Variants in HSPBAP1 observed in about 807,000 individuals in gnomAD.
HSPBAP1 encodes the protein HSPB1 associated protein 1.
In HSPBAP1, 27 loss-of-function variants were observed where a neutral mutation model predicts 45.2. The observed-to-expected ratio is 0.60, with a 90% CI of 0.44 to 0.82. The LOEUF (loss-of-function observed/expected upper bound fraction) is 0.82. Among genes scored for constraint, HSPBAP1 ranks in the 40% least tolerant of loss-of-function variants. The pLI, the probability that HSPBAP1 is intolerant of heterozygous loss-of-function variation, is 0.00. For missense variants in HSPBAP1, 510 were observed against 590.9 expected (o/e 0.86, Z 1.42); for synonymous variants, 204 against 202.7 (o/e 1.01, Z -0.06).
chr3:122,758,896 CAAAAAA>C (rs11369405), intron 4 of HSPBAP1: 78 of 199,082 alleles, frequency 3.9e-4, no homozygotes, highest in East Asian at 7.9e-4. Flanking sequence ...TCTAATTTAC[CAAAAAA>C]AAAAAAAAAA....
At chr3:122,757,983 C>CTATG (rs1934417629) in intron 4 of HSPBAP1, among the ~76,000 whole-genome samples, 1 of 152,220 alleles carries the variant, frequency 6.6e-6, no homozygotes, top group Non-Finnish European at 1.5e-5. Context: ...CTGACACATT[C>CTATG]TATGCCCTTT....
chr3:122,756,147 C>A (rs1934348356), intron 4 of HSPBAP1, among the ~76,000 whole-genome samples: 1 of 151,984 alleles, frequency 6.6e-6, no homozygotes, highest in African/African-American at 2.4e-5. Context: ...AAAAATGAGA[C>A]CCAGACATCT....
At position 122,745,466 on chromosome 3, in the gene HSPBAP1, AT is replaced by A. The variant is rs1457666327; in HGVS notation, c.826-4354del. ...CCACAGTTTCAGTTACCCGTGGGCAATCTCAGTCAGAAAATATTAAGTGAAA... is the reference window on the plus strand; with the variant it reads ...CCACAGTTTCAGTTACCCGTGGGCAACTCAGTCAGAAAATATTAAGTGAAA... On this transcript the variant is annotated intron_variant, in intron 6 of 7. Coordinates refer to ENST00000306103, the MANE Select transcript of HSPBAP1 (RefSeq NM_024610.6). Among the ~76,000 whole-genome samples the A allele has an allele frequency of 2.6e-5, 4 of 152,214 alleles. No individual in the cohort carries two copies. In the East Asian group the frequency reaches 7.7e-4, roughly 29 times the overall value.
At chr3:122,779,688 G>C (rs1415589574) in intron 1 of HSPBAP1, among the ~76,000 whole-genome samples, 2 of 149,052 alleles carry the variant, frequency 1.3e-5, no homozygotes, top group African/African-American at 4.9e-5. Context: ...GATTACTTGA[G>C]ATTAGGGATT....
At chr3:122,776,612 G>A (rs566647815) in intron 2 of HSPBAP1, among the ~76,000 whole-genome samples, 1 of 152,290 alleles carries the variant, frequency 6.6e-6, no homozygotes, top group South Asian at 2.1e-4. Context: ...GTGCCTAACA[G>A]ACACTTCAGT....
chr3:122,753,935 T>C, intron 5 of HSPBAP1: 1 of 976,184 alleles, frequency 1.0e-6, no homozygotes, highest in Non-Finnish European at 1.2e-6. Flanking sequence ...TGGCAACCAC[T>C]TCACACTCTC....
intron 4 of HSPBAP1, chr3:122,758,838 G>A (rs1450270605): frequency 4.5e-6 from 2 of 448,338 alleles, no homozygotes; most frequent in Non-Finnish European, 4.4e-6. Context: ...CTATGATCAT[G>A]CCATTGCACT....
intron 1 of HSPBAP1, among the ~76,000 whole-genome samples, chr3:122,778,776 T>C (rs1935287229): frequency 6.6e-6 from 1 of 152,128 alleles, no homozygotes; most frequent in Admixed American, 6.5e-5. Context: ...GTGATCCACC[T>C]GCCTTGGCCT....
chr3:122,767,127 T>C (rs1934810406), intron 3 of HSPBAP1, among the ~76,000 whole-genome samples: 1 of 152,218 alleles, frequency 6.6e-6, no homozygotes, highest in South Asian at 2.1e-4. Flanking sequence ...AATTATCATT[T>C]AAAAATGAGT....
At position 122,740,689 on chromosome 3, in the gene HSPBAP1, A is replaced by C; in HGVS notation, c.1123T>G (p.Leu375Val). 4.3e-6 allele frequency: 7 copies of C among 1,614,052 alleles called. No individual in the cohort carries two copies. The highest frequency in any genetic ancestry group is 2.5e-6 in the Non-Finnish European group (3 of 1,180,036). The change falls in exon 8 of 8, where the codon TTG (leucine) becomes GTG (valine). Residue 375 changes from leucine to valine, a missense_variant. Leu to Val is a conservative substitution (Grantham distance 32). Coordinates refer to ENST00000306103, the MANE Select transcript of HSPBAP1 (RefSeq NM_024610.6). ...TCCGGTTTGTCTGTTCCTGTGGTCAAGTTCTGGCTACCTGTTTGGCCCACC... is the reference window on the plus strand; with the variant it reads ...TCCGGTTTGTCTGTTCCTGTGGTCACGTTCTGGCTACCTGTTTGGCCCACC... ...MEVGQTGSQNLTTGTDKPEAA... is the reference protein window; with the variant it reads ...MEVGQTGSQNVTTGTDKPEAA...
In HSPBAP1 at chr3:122,747,787, G is replaced by A. The variant is rs866926936; in HGVS notation, c.825+4804C>T. On this transcript the variant is annotated intron_variant, in intron 6 of 7. Transcript: ENST00000306103. ...GGGTCAGCCCCCCGCCCGGCCAGCCGCCCCGTCCGGGAGGTGAGGGGCGCC... is the reference window on the plus strand; with the variant it reads ...GGGTCAGCCCCCCGCCCGGCCAGCCACCCCGTCCGGGAGGTGAGGGGCGCC... Among the ~76,000 whole-genome samples the A allele has an allele frequency of 3.9e-3, 536 of 136,184 alleles. 13 individuals are homozygous for A. The highest frequency in any genetic ancestry group is 0.015 in the African/African-American group (485 of 32,544). 89.3% of individuals were successfully genotyped at this position (136,184 alleles called of 152,430 possible).
chr3:122,755,449 A>C lies in HSPBAP1; in HGVS notation c.570-18T>G. The stretch of plus-strand genomic sequence containing the variant: ...ATCGTTTCCTAATTAAAAAAAAAAA[A>C]AAAAGATACAAGTTAGTACTCTGAC... On this transcript the variant is annotated intron_variant, in intron 4 of 7. Coordinates refer to ENST00000306103, the MANE Select transcript of HSPBAP1 (RefSeq NM_024610.6). 1 of 1,454,818 alleles carries C rather than the reference A, an allele frequency of 6.9e-7. No individual in the cohort carries two copies. The highest frequency in any genetic ancestry group is 9.1e-7 in the Non-Finnish European group (1 of 1,093,692). 90.1% of individuals were successfully genotyped at this position (1,454,818 alleles called of 1,614,324 possible). A position where few individuals can be genotyped will look rare whatever the true frequency, so the allele number is the denominator to read the frequency against.
At chr3:122,767,390 A>G (rs1008371184) in intron 3 of HSPBAP1, among the ~76,000 whole-genome samples, 4 of 152,304 alleles carry the variant, frequency 2.6e-5, no homozygotes, top group African/African-American at 7.2e-5. Flanking sequence ...CAATACAAAA[A>G]TTAGCTGGGC....
intron 3 of HSPBAP1, among the ~76,000 whole-genome samples, chr3:122,766,919 A>T (rs60087488): frequency 0.096 from 14,651 of 152,304 alleles, 961 homozygotes; most frequent in African/African-American, 0.18. Context: ...AAGTAAGTAC[A>T]TGATCAATGT....
At chr3:122,793,529 G>T in intron 1 of HSPBAP1, 88 bp downstream of exon 1, 1 of 1,176,826 alleles carries the variant, frequency 8.5e-7, no homozygotes, top group Non-Finnish European at 1.3e-6. Context: ...CTGGGTTGGG[G>T]CTAAGGCAAA....
At chr3:122,774,162 GA>G (rs919757757) in intron 2 of HSPBAP1, among the ~76,000 whole-genome samples, 9 of 152,218 alleles carry the variant, frequency 5.9e-5, no homozygotes, top group African/African-American at 1.9e-4. Context: ...TTCTTGAGGG[GA>G]AGAGACTTTA....
chr3:122,768,830 A>T lies in HSPBAP1; in HGVS notation c.303T>A (p.Phe101Leu). ...TAGACTGGTCACAGTTCCAGGTCAG[A>T]AACTCTTCGAGTGTAGCTTCTACGT... ...CNYVEATLEE[F>L]LTWNCDQSSI... Residue 101 changes from phenylalanine (F) to leucine (L), a missense_variant, in exon 3 of 8, where the codon TTT (phenylalanine) becomes TTA (leucine). Coordinates refer to ENST00000306103, the MANE Select transcript of HSPBAP1 (RefSeq NM_024610.6). 1 of 1,612,918 alleles carries T rather than the reference A, an allele frequency of 6.2e-7. No homozygotes were observed.
At position 122,777,797 on chromosome 3, in the gene HSPBAP1, C is replaced by T. The variant is rs1293632449; in HGVS notation, c.174G>A (p.Trp58Ter). ...NMVFDWPARH[W>*]NAKYLSQVLH... The stretch of plus-strand genomic sequence containing the variant: ...GGACCTGCGAAAGGTATTTAGCATT[C>T]CAGTGTCGTGCTGGCCAATCAAACA... The change falls in exon 2 of 8, where the codon TGG becomes TGA. Residue 58 changes from tryptophan to a stop codon, truncating the protein, a stop_gained. Transcript: ENST00000306103. LOFTEE classifies it high-confidence loss of function. The T allele has an allele frequency of 1.2e-6, 2 of 1,613,876 alleles. No individual in the cohort carries two copies. Among genetic ancestry groups the T allele is most frequent in the African/African-American group, 2.7e-5 (2 of 74,904 alleles).
At chr3:122,740,903 T>C (rs765204989) in intron 7 of HSPBAP1, 28 bp from the exon 8 acceptor site, 1 of 1,610,934 alleles carries the variant, frequency 6.2e-7, no homozygotes, top group Non-Finnish European at 8.5e-7. Context: ...CCTTTTAAAA[T>C]GGTTACATAC....
Sources: gnomAD v4.1 joint callset for allele counts (sites outside exome capture counted in the v4.1 genomes callset) on GRCh38, gnomAD v4.1.1 for gene constraint, MANE v1.5 for transcripts, NCBI Gene and HGNC (gene_info 2026-07-23, HGNC 2026-07-21) for gene names.